Variants in C2orf92 observed in about 807,000 individuals in gnomAD.
C2orf92 encodes chromosome 2 open reading frame 92, also known as uncharacterized protein C2orf92.
intron 3 of C2orf92, among the ~76,000 whole-genome samples, chr2:97,678,485 C>T (rs1675656826): frequency 6.6e-6 from 1 of 151,966 alleles, no homozygotes; most frequent in Non-Finnish European, 1.5e-5. Flanking sequence ...AAGCAGAATA[C>T]TCAGAGATTC....
At chr2:97,688,125 C>A (rs1219455882) in intron 3 of C2orf92, among the ~76,000 whole-genome samples, 1 of 152,126 alleles carries the variant, frequency 6.6e-6, no homozygotes, top group Non-Finnish European at 1.5e-5. Flanking sequence ...CTGCAGTTCC[C>A]TCTGGGCAGC....
upstream of C2orf92, chr2:97,669,483 C>T (rs1675337788): frequency 7.5e-6 from 2 of 268,310 alleles, no homozygotes; most frequent in Non-Finnish European, 1.4e-5. Context: ...GAAGTTTTAT[C>T]ACTTGTGACT....
chr2:97,669,076 T>A (rs910072901), upstream of C2orf92: 1 of 152,148 alleles, frequency 6.6e-6, no homozygotes, highest in African/African-American at 2.4e-5. Context: ...GTGGGACCCA[T>A]TACAAAATGA....
chr2:97,679,280 A>G (rs1036087812), intron 3 of C2orf92, among the ~76,000 whole-genome samples: 2 of 152,222 alleles, frequency 1.3e-5, no homozygotes, highest in African/African-American at 4.8e-5. Flanking sequence ...TAAAAGGTGA[A>G]TGCATGAAAT....
At chr2:97,677,056 C>G (rs989926276) in intron 3 of C2orf92, among the ~76,000 whole-genome samples, 4 of 152,170 alleles carry the variant, frequency 2.6e-5, no homozygotes, top group African/African-American at 9.7e-5. Flanking sequence ...AGAACACTTG[C>G]AGTGTCCAAG....
intron 3 of C2orf92, among the ~76,000 whole-genome samples, chr2:97,676,388 CAT>C (rs1675577884): frequency 7.7e-6 from 1 of 130,670 alleles, no homozygotes; most frequent in African/African-American, 2.9e-5. Context: ...GAGCCGAGAT[CAT>C]GCCACTGCAC....
At chr2:97,686,184 C>T (rs1036297182) in intron 3 of C2orf92, among the ~76,000 whole-genome samples, 1 of 152,128 alleles carries the variant, frequency 6.6e-6, no homozygotes, top group Non-Finnish European at 1.5e-5. Flanking sequence ...AAAGAGAGAG[C>T]AAGGGAGGGC....
chr2:97,681,072 A>C (rs1675755470), intron 3 of C2orf92, among the ~76,000 whole-genome samples: 2 of 141,452 alleles, frequency 1.4e-5, no homozygotes, highest in South Asian at 2.2e-4. Flanking sequence ...GCGCCACTGC[A>C]CTCCAGCACA....
chr2:97,693,474 CTTGTTAACA>C (rs1280930157), intron 5 of C2orf92, among the ~76,000 whole-genome samples: 1 of 152,166 alleles, frequency 6.6e-6, no homozygotes, highest in Non-Finnish European at 1.5e-5. Context: ...TCTTCACATC[CTTGTTAACA>C]TTTGTTATTA....
intron 6 of C2orf92, among the ~76,000 whole-genome samples, chr2:97,700,947 G>C (rs994141452): frequency 6.6e-6 from 1 of 151,936 alleles, no homozygotes; most frequent in Non-Finnish European, 1.5e-5. Context: ...TAGCCAGGAT[G>C]GTCTCGATCT....
chr2:97,699,243 C>T, intron 6 of C2orf92, 107 bp downstream of exon 6: 1 of 394,980 alleles, frequency 2.5e-6, no homozygotes, highest in Non-Finnish European at 4.5e-6. Flanking sequence ...TTTAATTCAC[C>T]CGCTAAAGTG....
At chr2:97,700,879 G>A (rs745619176) in intron 6 of C2orf92, among the ~76,000 whole-genome samples, 6 of 152,106 alleles carry the variant, frequency 3.9e-5, no homozygotes, top group Non-Finnish European at 7.4e-5. Context: ...ACAGGCGCCC[G>A]CCACCACGCC....
At chr2:97,668,544 C>T (rs1461458969), upstream of C2orf92, 2 of 152,266 alleles carry the variant, frequency 1.3e-5, no homozygotes, top group Non-Finnish European at 2.9e-5. Context: ...AAGAACCAGC[C>T]CTGCTGACGT....
chr2:97,665,147 G>T (rs1481044557), upstream of C2orf92, among the ~76,000 whole-genome samples: 5 of 152,198 alleles, frequency 3.3e-5, no homozygotes, highest in African/African-American at 9.7e-5. Context: ...CTGCGGCACT[G>T]GAGTCAGCTG....
intron 5 of C2orf92, among the ~76,000 whole-genome samples, chr2:97,698,520 C>T (rs769899040): frequency 6.6e-6 from 1 of 152,168 alleles, no homozygotes; most frequent in African/African-American, 2.4e-5. Flanking sequence ...TATAGTACTT[C>T]GTGTTTTAAA....
At chr2:97,691,121 C>T (rs1261551212) in intron 5 of C2orf92, 1 of 152,218 alleles carries the variant, frequency 6.6e-6, no homozygotes, top group Non-Finnish European at 1.5e-5. Context: ...TGTGCTTCAC[C>T]CTGAATTATG....
chr2:97,666,266 G>A (rs985105918), upstream of C2orf92, among the ~76,000 whole-genome samples: 5 of 149,950 alleles, frequency 3.3e-5, no homozygotes, highest in South Asian at 2.1e-4. Context: ...GGCCGGGCGC[G>A]GTGGCTTATG....
chr2:97,694,661 A>G (rs1034990926), intron 5 of C2orf92: 1 of 152,078 alleles, frequency 6.6e-6, no homozygotes, highest in Non-Finnish European at 1.5e-5. Flanking sequence ...GGTTGTTTCC[A>G]CATTTTAGCC....
upstream of C2orf92, among the ~76,000 whole-genome samples, chr2:97,667,431 T>G (rs1363670965): frequency 8.2e-6 from 1 of 122,414 alleles, no homozygotes; most frequent in South Asian, 2.6e-4. Flanking sequence ...CCCAGCTAAG[T>G]TTTTTTTTTT....
Sources: allele counts gnomAD v4.1 joint callset (sites outside exome capture counted in the v4.1 genomes callset), GRCh38; gene constraint gnomAD v4.1.1; transcripts MANE v1.5; gene names NCBI Gene and HGNC (gene_info 2026-07-23, HGNC 2026-07-21).